Variants in SLC26A3 observed in about 807,000 individuals in gnomAD.
SLC26A3 encodes chloride anion exchanger.
Under a neutral mutation model 85.6 loss-of-function variants are expected in SLC26A3, and 64 were observed. The observed-to-expected ratio is 0.75, with a 90% CI of 0.61 to 0.92. SLC26A3 has a LOEUF of 0.92. SLC26A3 is among the 40% of genes least tolerant of loss of function. The pLI is 0.00. For missense variants in SLC26A3, 922 were observed against 927.3 expected, an observed-to-expected ratio of 0.99 and a Z score of 0.07; for synonymous variants, 349 against 336.0, an observed-to-expected ratio of 1.04 and a Z score of -0.42.
chr7:107,786,272 T>C (rs919638338), intron 8 of SLC26A3, among the ~76,000 whole-genome samples: 1 of 152,184 alleles, frequency 6.6e-6, no homozygotes, highest in Non-Finnish European at 1.5e-5. Context: ...ACTTGATGTT[T>C]CTTTAAGAGG....
Position 107,778,167 on chromosome 7 carries a change from G to T in SLC26A3, c.1514+8C>A. The T allele has an allele frequency of 6.3e-7, 1 of 1,593,220 alleles. No homozygotes were observed. The highest frequency in any genetic ancestry group is 8.6e-7 in the Non-Finnish European group (1 of 1,161,372). On this transcript the variant is annotated splice_region_variant and intron_variant, in intron 13 of 20. Coordinates refer to ENST00000340010, the MANE Select transcript of SLC26A3 (RefSeq NM_000111.3). ...CCTGCCAGGATGCAGAGCACTTTGA[G>T]CACTCACAATTGGGTCCTGAACACG...
chr7:107,787,000 G>T, intron 7 of SLC26A3, 91 bp from the exon 8 acceptor site: 1 of 1,091,222 alleles, frequency 9.2e-7, no homozygotes, highest in Non-Finnish European at 1.4e-6. Context: ...ACCCACTTCT[G>T]TACCTGTTAA....
At chr7:107,788,773 TTTTTTCTTTTC>T (rs1228978737) in intron 6 of SLC26A3, among the ~76,000 whole-genome samples, 7 of 139,880 alleles carry the variant, frequency 5.0e-5, no homozygotes, top group African/African-American at 1.9e-4. Flanking sequence ...TTTCTTTTTC[TTTTTTCTTTTC>T]TTTTTTTTTT....
chr7:107,798,346 G>T (rs533272128), intron 1 of SLC26A3, among the ~76,000 whole-genome samples: 1 of 151,514 alleles, frequency 6.6e-6, no homozygotes, highest in African/African-American at 2.4e-5. Flanking sequence ...ATATTTCTAG[G>T]GATTGTCATG....
Position 107,787,393 on chromosome 7 carries a change from G to A in SLC26A3, c.852C>T (p.Asp284=). 2 of 1,614,056 alleles carry A rather than the reference G, an allele frequency of 1.2e-6. No individual in the cohort carries two copies. Among genetic ancestry groups the A allele is most frequent in the Non-Finnish European group, 1.7e-6 (2 of 1,179,980 alleles). Residue 284 remains aspartate (D), a synonymous_variant, in exon 7 of 21, where the codon GAC becomes GAT. Coordinates refer to ENST00000340010, the MANE Select transcript of SLC26A3 (RefSeq NM_000111.3). ...IVKEINQRFK[D]KLPVPIPIEF... ...CGATTGGAATGGGCACTGGAAGTTTGTCTTTGAAGCGCTGATTTATTTCTT... is the reference window on the plus strand; with the variant it reads ...CGATTGGAATGGGCACTGGAAGTTTATCTTTGAAGCGCTGATTTATTTCTT...
intron 3 of SLC26A3, among the ~76,000 whole-genome samples, chr7:107,792,769 T>C (rs1794425400): frequency 6.6e-6 from 1 of 152,162 alleles, no homozygotes. Context: ...TAAAAACGTG[T>C]ACTTCAAAGG....
chr7:107,795,691 A>G (rs10953547), intron 1 of SLC26A3, among the ~76,000 whole-genome samples: 81,128 of 151,906 alleles, frequency 0.53, 23,086 homozygotes, highest in African/African-American at 0.73. Flanking sequence ...TGTTCAATAT[A>G]AACATAATCG....
At chr7:107,770,965 G>A (rs1794020820) in intron 18 of SLC26A3, among the ~76,000 whole-genome samples, 1 of 152,184 alleles carries the variant, frequency 6.6e-6, no homozygotes, top group Non-Finnish European at 1.5e-5. Flanking sequence ...TCCTGAAGAA[G>A]GCTTCTTTCA....
intron 3 of SLC26A3, among the ~76,000 whole-genome samples, chr7:107,792,502 G>A (rs566882748): frequency 4.4e-4 from 67 of 152,120 alleles, no homozygotes; most frequent in Admixed American, 1.7e-3. Flanking sequence ...CACAGTTCAC[G>A]ATAGGGTTTG....
rs142544407 is a variant in SLC26A3 at position 107,780,141 on chromosome 7, C to G, written c.1312-378G>C. Among the ~76,000 whole-genome samples, 315 of 151,420 alleles carry G rather than the reference C, an allele frequency of 2.1e-3. 1 individual carries two copies. The highest frequency in any genetic ancestry group is 7.3e-3 in the African/African-American group (300 of 41,180). On this transcript the variant is annotated intron_variant, in intron 11 of 20. Coordinates refer to ENST00000340010, the MANE Select transcript of SLC26A3 (RefSeq NM_000111.3). Reference sequence around the variant, plus strand: ...CTAATGTGTGTTTGTTTATTGGAGTCAAGGAGATGGGGGTTGCTCTTTGTT... The same window carrying G: ...CTAATGTGTGTTTGTTTATTGGAGTGAAGGAGATGGGGGTTGCTCTTTGTT...
chr7:107,779,815 A>G, intron 11 of SLC26A3, 52 bp from the exon 12 acceptor site: 1 of 1,426,834 alleles, frequency 7.0e-7, no homozygotes, highest in Non-Finnish European at 9.9e-7. Flanking sequence ...AATAAACCAC[A>G]GGGAAGCAAA....
In SLC26A3 at chr7:107,783,266, A is replaced by G; in HGVS notation, c.1058T>C (p.Val353Ala). The G allele has an allele frequency of 1.2e-6, 2 of 1,614,240 alleles. No homozygotes were observed. The highest frequency in any genetic ancestry group is 1.7e-6 in the Non-Finnish European group (2 of 1,180,028). ...CFGIAMVAFA[V>A]AFSVASVYSL... ...ATAGACGCTGGCAACTGAAAAGGCCACTGCAAATGCAACCATTGCGATGCC... is the reference window on the plus strand; with the variant it reads ...ATAGACGCTGGCAACTGAAAAGGCCGCTGCAAATGCAACCATTGCGATGCC... The change falls in exon 9 of 21, where the codon GTG becomes GCG. Residue 353 changes from valine to alanine, a missense_variant. Transcript: ENST00000340010.
In SLC26A3 at chr7:107,782,994, C is replaced by G. The variant is rs750075198; in HGVS notation, c.1219G>C (p.Gly407Arg). The G allele has an allele frequency of 6.2e-7, 1 of 1,614,168 alleles. No individual in the cohort carries two copies. The highest frequency in any genetic ancestry group is 1.1e-5 in the South Asian group (1 of 91,086). ...LSRSAVQESTGGKTQIAGLIG... is the reference protein window; with the variant it reads ...LSRSAVQESTRGKTQIAGLIG... ...TCTTGACATACCTGTGTTTTGCCTC[C>G]TGTGCTCTCCTGAACTGCTGATCTG... The change falls in exon 10 of 21, where the codon GGA becomes CGA. Residue 407 changes from glycine (G) to arginine (R), a missense_variant. By Grantham distance (125) the Gly-to-Arg change is moderately radical (BLOSUM62 -2). Transcript: ENST00000340010.
chr7:107,787,633 T>C, intron 6 of SLC26A3, 124 bp from the exon 7 acceptor site: 1 of 802,102 alleles, frequency 1.2e-6, no homozygotes, highest in Non-Finnish European at 2.0e-6. Context: ...GATAGTGATT[T>C]CCTGTATTGC....
intron 3 of SLC26A3, 56 bp from the exon 4 acceptor site, chr7:107,791,996 T>G: frequency 9.7e-7 from 1 of 1,028,508 alleles, no homozygotes; most frequent in South Asian, 1.3e-5. Flanking sequence ...TCAAAGACAT[T>G]CTCATTTGGT....
rs557973111 is a variant in SLC26A3, at chr7:107,775,012, T to C, written c.1678-140A>G. ...TTTGTGACAAAATTTAAAAGTGGTT[T>C]AAACAATATCAGCCAGAACATTGGG... On this transcript the variant is annotated intron_variant, in intron 15 of 20. Coordinates refer to ENST00000340010, the MANE Select transcript of SLC26A3 (RefSeq NM_000111.3). The C allele has an allele frequency of 3.4e-4, 251 of 740,218 alleles. 4 individuals are homozygous for C. The highest frequency in any genetic ancestry group is 1.5e-3 in the South Asian group (100 of 68,142). 45.9% of individuals were successfully genotyped at this position (740,218 alleles called of 1,614,324 possible).
chr7:107,778,238 A>T lies in SLC26A3; in HGVS notation c.1451T>A (p.Leu484His). ...CACACTAGCTGCCAGGCCTAACCCG[A>T]GTCCCAGGACAATGGTGAAGATGAA... ...MTFIFTIVLG[L>H]GLGLAASVAF... The change falls in exon 13 of 21, where the codon CTC becomes CAC. Residue 484 changes from leucine to histidine, a missense_variant. Leu to His is a moderately conservative substitution (Grantham distance 99). Transcript: ENST00000340010. The T allele has an allele frequency of 6.2e-7, 1 of 1,614,016 alleles. No individual in the cohort carries two copies. Among genetic ancestry groups the T allele is most frequent in the Non-Finnish European group, 8.5e-7 (1 of 1,179,934 alleles).
chr7:107,787,281 G>A, intron 7 of SLC26A3, 76 bp downstream of exon 7: 1 of 1,520,142 alleles, frequency 6.6e-7, no homozygotes, highest in Non-Finnish European at 9.1e-7. Flanking sequence ...AAAACTTCCT[G>A]AGCTACAAAT....
intron 1 of SLC26A3, among the ~76,000 whole-genome samples, chr7:107,798,091 C>T (rs1794540935): frequency 6.6e-6 from 1 of 152,006 alleles, no homozygotes; most frequent in Non-Finnish European, 1.5e-5. Flanking sequence ...TATATTTCCA[C>T]TTTTATTTGC....
Sources: gnomAD v4.1 joint callset for allele counts (sites outside exome capture counted in the v4.1 genomes callset) on GRCh38, gnomAD v4.1.1 for gene constraint, MANE v1.5 for transcripts, NCBI Gene and HGNC (gene_info 2026-07-23, HGNC 2026-07-21) for gene names.